UPK3A: variants seen among roughly 807,000 people sequenced by gnomAD.
UPK3A encodes the protein uroplakin-3a.
Under a neutral mutation model 27.6 loss-of-function variants are expected in UPK3A, and 32 were observed. The observed-to-expected ratio is 1.16, with a 90% CI of 0.87 to 1.55. UPK3A has a LOEUF of 1.55. Ranked by LOEUF, UPK3A falls within the 40% of genes most tolerant of loss-of-function variation. The probability of loss-of-function intolerance (pLI) is 0.00; values close to 1 mark genes in which losing one functional copy is unlikely to be tolerated. For synonymous variants in UPK3A, 171 were observed against 163.9 expected, an observed-to-expected ratio of 1.04 and a Z score of -0.33; for missense variants, 370 against 367.9, an observed-to-expected ratio of 1.01 and a Z score of -0.05.
At chr22:45,292,032 G>A (rs1434295430) in intron 4 of UPK3A, among the ~76,000 whole-genome samples, 4 of 152,076 alleles carry the variant, frequency 2.6e-5, no homozygotes, top group East Asian at 1.9e-4. Context: ...CGCCCCTCCC[G>A]TGGCATTCCC....
At chr22:45,288,471 T>G (rs1327641401) in intron 3 of UPK3A, among the ~76,000 whole-genome samples, 4 of 152,194 alleles carry the variant, frequency 2.6e-5, no homozygotes, top group Non-Finnish European at 5.9e-5. Flanking sequence ...GTGCTGGGAT[T>G]ACAGGCGTCA....
At chr22:45,286,762 T>C (rs1211541468) in intron 2 of UPK3A, among the ~76,000 whole-genome samples, 1 of 152,038 alleles carries the variant, frequency 6.6e-6, no homozygotes, top group Admixed American at 6.6e-5. Context: ...AAGACTAGGG[T>C]CTGAAGAGGT....
intron 5 of UPK3A, among the ~76,000 whole-genome samples, chr22:45,294,117 G>T (rs954099976): frequency 1.3e-5 from 2 of 152,186 alleles, no homozygotes; most frequent in Non-Finnish European, 2.9e-5. Flanking sequence ...TGGAGGAAGG[G>T]TCAGTGTGAG....
In UPK3A at chr22:45,295,760, C is replaced by G. The variant is rs1308872745; in HGVS notation, c.*41C>G. On this transcript the variant is annotated 3_prime_UTR_variant, in exon 6 of 6. Coordinates refer to ENST00000216211, the MANE Select transcript of UPK3A (RefSeq NM_006953.4). ...TGGGCAGCAGCATCCTCCTCTCTGGCCTTGCCCCAGGCCCTGCAGCGGTGG... is the reference window on the plus strand; with the variant it reads ...TGGGCAGCAGCATCCTCCTCTCTGGGCTTGCCCCAGGCCCTGCAGCGGTGG... The G allele has an allele frequency of 1.2e-6, 2 of 1,611,506 alleles. No individual in the cohort carries two copies. The highest frequency in any genetic ancestry group is 3.3e-5 in the Admixed American group (2 of 59,964).
Position 45,284,983 on chromosome 22 carries a change from C to A in UPK3A, c.-31C>A. 6.5e-7 allele frequency: 1 copy of A among 1,528,110 alleles called. No individual in the cohort carries two copies. The highest frequency in any genetic ancestry group is 2.3e-4 in the Middle Eastern group (1 of 4,354). The allele number at this position is 1,528,110 out of a possible 1,614,324, so 94.7% of individuals were successfully genotyped here. On this transcript the variant is annotated 5_prime_UTR_variant, in exon 1 of 6. Transcript: ENST00000216211. ...GCCCGCGCCTGCTCGCTGGACCGCC[C>A]GCCCCGCGCTCTGGCGGCTCCTCCC...
intron 1 of UPK3A, 89 bp from the exon 2 acceptor site, chr22:45,285,852 G>A: frequency 6.3e-7 from 1 of 1,585,282 alleles, no homozygotes; most frequent in Non-Finnish European, 8.6e-7. Context: ...CCCAGGGCCT[G>A]GCACACAACA....
At chr22:45,291,609 CTG>C (rs59401040) in intron 4 of UPK3A, among the ~76,000 whole-genome samples, 6,925 of 130,896 alleles carry the variant, frequency 0.053, 418 homozygotes, top group African/African-American at 0.16. Flanking sequence ...CTGAGTGTGA[CTG>C]TGTGTGTGTG....
Position 45,293,175 on chromosome 22 carries a change from C to T in UPK3A, c.572-6C>T, listed in dbSNP as rs201823995. 1.2e-6 allele frequency: 2 copies of T among 1,613,606 alleles called. No individual in the cohort carries two copies. The highest frequency in any genetic ancestry group is 2.2e-5 in the East Asian group (1 of 44,830). ...TGGGAAGTAACCGGGCTGCATCCCA[C>T]CACAGTCACCCCATACTCGACGATC... On this transcript the variant is annotated splice_polypyrimidine_tract_variant and splice_region_variant and intron_variant, in intron 4 of 5. Transcript: ENST00000216211.
intron 4 of UPK3A, among the ~76,000 whole-genome samples, chr22:45,291,766 G>A (rs549317616): frequency 5.1e-4 from 77 of 149,918 alleles, no homozygotes; most frequent in African/African-American, 1.5e-3. Flanking sequence ...GTTGGTATGC[G>A]TGGTGTGTGG....
intron 5 of UPK3A, among the ~76,000 whole-genome samples, chr22:45,293,785 T>C (rs1015714455): frequency 2.0e-5 from 3 of 152,134 alleles, no homozygotes; most frequent in African/African-American, 4.8e-5. Flanking sequence ...ATACACCTAC[T>C]TGCAGTACAG....
Position 45,289,159 on chromosome 22 carries a change from T to C in UPK3A, c.571+16T>C, listed in dbSNP as rs780870005. The C allele has an allele frequency of 6.2e-7, 1 of 1,610,362 alleles. No homozygotes were observed. The highest frequency in any genetic ancestry group is 1.1e-5 in the South Asian group (1 of 90,968). Reference sequence around the variant, plus strand: ...ACCAACCAGCGTAAGTGGTGGGCAGTGGTGGTGGTGATGCTCAAGGGGACC... The same window carrying C: ...ACCAACCAGCGTAAGTGGTGGGCAGCGGTGGTGGTGATGCTCAAGGGGACC... On this transcript the variant is annotated intron_variant, in intron 4 of 5. Coordinates refer to ENST00000216211, the MANE Select transcript of UPK3A (RefSeq NM_006953.4).
At chr22:45,293,994 G>C (rs534382442) in intron 5 of UPK3A, among the ~76,000 whole-genome samples, 1 of 152,236 alleles carries the variant, frequency 6.6e-6, no homozygotes, top group Admixed American at 6.5e-5. Context: ...AAAGACAGGT[G>C]AACCCACAGT....
rs368056677 is a variant in UPK3A at position 45,295,642 on chromosome 22, G to T, written c.787G>T (p.Glu263Ter). ...EAVPKSLGAS[E>*]SSYTSVNRGP... is the part of the protein sequence containing the mutation. ...TGTTCCCAAGTCGCTGGGGGCCTCG[G>T]AGTCTTCCTACACGTCCGTGAACCG... Residue 263 changes from glutamate to a stop codon, truncating the protein, a stop_gained, in exon 6 of 6, where the codon GAG becomes TAG. Coordinates refer to ENST00000216211, the MANE Select transcript of UPK3A (RefSeq NM_006953.4). LOFTEE classifies it high-confidence loss of function. The T allele has an allele frequency of 3.1e-6, 5 of 1,613,968 alleles. No individual in the cohort carries two copies. Among genetic ancestry groups the T allele is most frequent in the Non-Finnish European group, 4.2e-6 (5 of 1,180,012 alleles).
At chr22:45,291,582 G>C (rs577670453) in intron 4 of UPK3A, among the ~76,000 whole-genome samples, 72 of 149,458 alleles carry the variant, frequency 4.8e-4, no homozygotes, top group African/African-American at 1.3e-3. Flanking sequence ...GTAAGAGTTT[G>C]AGTTGGTGTG....
intron 5 of UPK3A, among the ~76,000 whole-genome samples, chr22:45,294,144 G>A (rs2084180139): frequency 6.6e-6 from 1 of 152,192 alleles, no homozygotes; most frequent in Non-Finnish European, 1.5e-5. Context: ...CTCATCAGCA[G>A]AGTGTTCCTC....
At chr22:45,291,410 A>C (rs1238280110) in intron 4 of UPK3A, among the ~76,000 whole-genome samples, 1 of 100,504 alleles carries the variant, frequency 9.9e-6, no homozygotes. Flanking sequence ...GTGGTGTGAG[A>C]GTGTGTATTG....
chr22:45,285,857 A>G (rs2084113927), intron 1 of UPK3A, 84 bp from the exon 2 acceptor site: 2 of 1,596,136 alleles, frequency 1.3e-6, no homozygotes, highest in Non-Finnish European at 1.7e-6. Context: ...GGCCTGGCAC[A>G]CAACACGTGC....
intron 4 of UPK3A, among the ~76,000 whole-genome samples, chr22:45,292,147 T>A (rs1420554295): frequency 6.6e-6 from 1 of 152,088 alleles, no homozygotes; most frequent in African/African-American, 2.4e-5. Flanking sequence ...GTTATGGACC[T>A]CGGTTTCCTC....
chr22:45,290,228 A>T (rs1005280673), intron 4 of UPK3A, among the ~76,000 whole-genome samples: 8 of 152,078 alleles, frequency 5.3e-5, no homozygotes, highest in African/African-American at 1.9e-4. Flanking sequence ...TTTGATGGTA[A>T]TTTTGGGCAA....
Sources: gnomAD v4.1 joint callset for allele counts (sites outside exome capture counted in the v4.1 genomes callset) on GRCh38, gnomAD v4.1.1 for gene constraint, MANE v1.5 for transcripts, NCBI Gene and HGNC (gene_info 2026-07-23, HGNC 2026-07-21) for gene names.